MKLN1: variants seen among roughly 807,000 people sequenced by gnomAD.
MKLN1 encodes the protein muskelin.
A neutral mutation model predicts 99.0 loss-of-function variants in MKLN1; 18 were observed. The observed-to-expected ratio is 0.18, with a 90% CI of 0.13 to 0.27. MKLN1 has a LOEUF of 0.27. MKLN1 is among the 10% of genes least tolerant of loss of function. MKLN1 has a pLI of 1.00. For synonymous variants in MKLN1, 288 were observed against 293.2 expected, an observed-to-expected ratio of 0.98 and a Z score of 0.18; for missense variants, 621 against 875.9, an observed-to-expected ratio of 0.71 and a Z score of 3.67.
At chr7:131,470,681 C>G (rs2116641284) in intron 15 of MKLN1, among the ~76,000 whole-genome samples, 161 bp from the exon 16 acceptor site, 1 of 152,338 alleles carries the variant, frequency 6.6e-6, no homozygotes, top group East Asian at 1.9e-4. Flanking sequence ...ACACTATCTA[C>G]CTGGCAGTAT....
At chr7:131,278,225 A>T (rs547475922) in intron 3 of MKLN1, among the ~76,000 whole-genome samples, 1 of 151,834 alleles carries the variant, frequency 6.6e-6, no homozygotes, top group Non-Finnish European at 1.5e-5. Context: ...TTTTGTAGAG[A>T]CAGGGTTTTG....
intron 3 of MKLN1, among the ~76,000 whole-genome samples, chr7:131,322,105 A>C (rs1423433170): frequency 2.6e-5 from 4 of 152,218 alleles, no homozygotes; most frequent in Non-Finnish European, 5.9e-5. Context: ...AAAGCACCAA[A>C]TCCTAGCCAT....
chr7:131,173,371 G>A (rs148980203), intron 2 of MKLN1, among the ~76,000 whole-genome samples: 2 of 152,264 alleles, frequency 1.3e-5, no homozygotes, highest in African/African-American at 4.8e-5. Context: ...TTGACAACAA[G>A]TGGAAGAGGG....
chr7:131,161,341 G>A (rs1584799698), intron 2 of MKLN1, among the ~76,000 whole-genome samples: 2 of 152,164 alleles, frequency 1.3e-5, no homozygotes, highest in Admixed American at 6.5e-5. Context: ...CGGGTCACAT[G>A]TGGCTATCAA....
At chr7:131,413,034 A>G (rs1208308731) in intron 7 of MKLN1, among the ~76,000 whole-genome samples, 2 of 152,248 alleles carry the variant, frequency 1.3e-5, no homozygotes, top group Non-Finnish European at 2.9e-5. Flanking sequence ...GATTCAACAT[A>G]TAAAATACAA....
intron 8 of MKLN1, among the ~76,000 whole-genome samples, chr7:131,418,391 AAGAG>A (rs1563338357): frequency 2.0e-5 from 3 of 151,596 alleles, no homozygotes; most frequent in Non-Finnish European, 2.9e-5. Context: ...AAAAAAAAAA[AAGAG>A]AGATAAATCA....
At chr7:131,271,289 C>T (rs996122950) in intron 3 of MKLN1, among the ~76,000 whole-genome samples, 2 of 152,014 alleles carry the variant, frequency 1.3e-5, no homozygotes, top group Non-Finnish European at 2.9e-5. Context: ...AAACCTTTGC[C>T]ACGTTGAGGA....
Position 131,399,129 on chromosome 7 carries a change from A to G in MKLN1, c.511-112A>G, listed in dbSNP as rs1198266184. 5.6e-6 allele frequency: 5 copies of G among 894,124 alleles called. No homozygotes were observed. The African/African-American group carries it at 8.5e-5, about 15-fold the overall frequency. 55.4% of individuals were successfully genotyped at this position (894,124 alleles called of 1,614,324 possible). On this transcript the variant is annotated intron_variant, in intron 5 of 17. Coordinates refer to ENST00000352689, the MANE Select transcript of MKLN1 (RefSeq NM_013255.5). ...ATCAGGTTAGTAAACTGCTTGGCAC[A>G]TAGTGTTAATAAATGCTCAGTGTAG...
At chr7:131,406,606 A>T (rs7805889) in intron 6 of MKLN1, among the ~76,000 whole-genome samples, 100 of 151,952 alleles carry the variant, frequency 6.6e-4, no homozygotes, top group African/African-American at 2.2e-3. Context: ...TTGCGTCTTT[A>T]ATCTTATGTC....
At chr7:131,413,860 T>C (rs913019057) in intron 7 of MKLN1, among the ~76,000 whole-genome samples, 2 of 152,120 alleles carry the variant, frequency 1.3e-5, no homozygotes, top group African/African-American at 4.8e-5. Flanking sequence ...TATGTAAGAT[T>C]TGGTGTAAAG....
intron 12 of MKLN1, among the ~76,000 whole-genome samples, chr7:131,454,060 C>CTT (rs5887505): frequency 6.3e-4 from 88 of 139,508 alleles, no homozygotes; most frequent in South Asian, 1.1e-3. Context: ...TTGGTACAGC[C>CTT]TTTTTTTTTT....
intron 3 of MKLN1, chr7:131,242,973 A>C (rs1180972464): frequency 3.2e-6 from 2 of 633,632 alleles, no homozygotes; most frequent in East Asian, 7.2e-5. Flanking sequence ...AGGCAAGAAC[A>C]AGCGGTTCTT....
chr7:131,136,928 A>C (rs1457960765), intron 1 of MKLN1, among the ~76,000 whole-genome samples: 1 of 152,152 alleles, frequency 6.6e-6, no homozygotes, highest in Non-Finnish European at 1.5e-5. Flanking sequence ...AGTGAACTTC[A>C]GTGGTTTTCT....
At chr7:131,259,879 AG>A (rs773254862) in intron 3 of MKLN1, among the ~76,000 whole-genome samples, 8 of 152,158 alleles carry the variant, frequency 5.3e-5, no homozygotes, top group African/African-American at 7.2e-5. Context: ...AAGAAATAAA[AG>A]GCATCCAAAT....
intron 16 of MKLN1, among the ~76,000 whole-genome samples, chr7:131,475,155 T>C (rs558599272): frequency 1.3e-5 from 2 of 151,982 alleles, no homozygotes; most frequent in African/African-American, 4.8e-5. Flanking sequence ...ACATAAATTA[T>C]CCACATCACA....
At chr7:131,284,127 C>T (rs1798099337) in intron 3 of MKLN1, among the ~76,000 whole-genome samples, 1 of 152,062 alleles carries the variant, frequency 6.6e-6, no homozygotes, top group African/African-American at 2.4e-5. Context: ...TGTGAGAGTT[C>T]TAGGGAATAT....
chr7:131,196,049 T>A (rs560300144), intron 2 of MKLN1, among the ~76,000 whole-genome samples: 35 of 152,220 alleles, frequency 2.3e-4, no homozygotes, highest in Non-Finnish European at 3.8e-4. Context: ...CTACAATGAA[T>A]ATGTAAATTT....
chr7:131,238,372 C>G lies in MKLN1; in HGVS notation c.-179+35398C>G, dbSNP rs572903007. ...GAGGTGTTCATGTCTTCATTCACCC[C>G]GAAACATTTATTGAGCTGTTGCATT... is the stretch of plus-strand genomic sequence containing the variant. On this transcript the variant is annotated intron_variant, in intron 3 of 7. Transcript: ENST00000416992. Among the ~76,000 whole-genome samples, 820 of 152,208 alleles carry G rather than the reference C, an allele frequency of 5.4e-3. 5 individuals are homozygous for G. Among genetic ancestry groups the G allele is most frequent in the African/African-American group, 0.019 (775 of 41,520 alleles).
intron 3 of MKLN1, among the ~76,000 whole-genome samples, chr7:131,246,221 C>T (rs1029608894): frequency 6.6e-5 from 10 of 152,340 alleles, no homozygotes; most frequent in East Asian, 3.9e-4. Flanking sequence ...CTCCATGAGG[C>T]GGCCCTCTGC....
Sources: allele counts gnomAD v4.1 joint callset (sites outside exome capture counted in the v4.1 genomes callset), GRCh38; gene constraint gnomAD v4.1.1; transcripts MANE v1.5; gene names NCBI Gene and HGNC (gene_info 2026-07-23, HGNC 2026-07-21).